ACSM3: variants seen among roughly 807,000 people sequenced by gnomAD.
The protein encoded by ACSM3 is acyl-CoA synthetase medium chain family member 3, also known as acyl-coenzyme A synthetase ACSM3, mitochondrial.
In ACSM3, 61 loss-of-function variants were observed where a neutral mutation model predicts 74.1. The ratio of observed to expected loss-of-function variants is 0.82; its 90% CI spans 0.67 to 1.02. The LOEUF (loss-of-function observed/expected upper bound fraction) is 1.02. Ranked by LOEUF, ACSM3 falls within the 50% of genes least tolerant of loss-of-function variation. ACSM3 has a pLI of 0.00. For missense variants in ACSM3, 660 were observed against 697.0 expected, an observed-to-expected ratio of 0.95 and a Z score of 0.60; for synonymous variants, 213 against 241.5, an observed-to-expected ratio of 0.88 and a Z score of 1.09.
intron 1 of ACSM3, chr16:20,727,239 GCCT>G: frequency 2.4e-6 from 1 of 419,686 alleles, no homozygotes; most frequent in Non-Finnish European, 4.6e-6. Context: ...CCTAAGACTT[GCCT>G]CTCCTAGCTT....
At chr16:20,758,837 T>A (rs1259947782) in intron 3 of ACSM3, among the ~76,000 whole-genome samples, 1 of 152,174 alleles carries the variant, frequency 6.6e-6, no homozygotes, top group East Asian at 1.9e-4. Flanking sequence ...GTGTTTTTGT[T>A]CTCGTTGGTT....
At chr16:20,678,508 T>G (rs2079361524) in intron 1 of ACSM3, among the ~76,000 whole-genome samples, 1 of 152,192 alleles carries the variant, frequency 6.6e-6, no homozygotes, top group Non-Finnish European at 1.5e-5. Context: ...TACCCTGTGA[T>G]GGGGGCTATC....
chr16:20,714,208 CA>C (rs67524952), intron 1 of ACSM3, among the ~76,000 whole-genome samples: 50,950 of 134,642 alleles, frequency 0.38, 10,023 homozygotes, highest in Non-Finnish European at 0.49. Flanking sequence ...GATATGGAGG[CA>C]AAAAAAAAAA....
chr16:20,741,842 T>C, intron 1 of ACSM3: 2 of 1,537,320 alleles, frequency 1.3e-6, no homozygotes. Context: ...AGCGACGGCC[T>C]CCCCTAGCCG....
intron 1 of ACSM3, among the ~76,000 whole-genome samples, chr16:20,706,052 T>C (rs2079726471): frequency 6.6e-6 from 1 of 151,636 alleles, no homozygotes; most frequent in African/African-American, 2.4e-5. Flanking sequence ...AATATTTTTA[T>C]AAAAAGTGAA....
chr16:20,792,090 G>C lies in ACSM3; in HGVS notation c.1415G>C (p.Trp472Ser). ...RGYMDKDGYF[W>S]FVARADDVIL... ...TATATGGATAAAGATGGGTATTTCT[G>C]GTTTGTTGCAAGAGCAGATGATGTC... Residue 472 changes from tryptophan to serine, a missense_variant, in exon 11 of 14, where the codon TGG (tryptophan) becomes TCG (serine). Physicochemically the swap from Trp to Ser is radical, Grantham distance 177. Transcript: ENST00000289416. The C allele has an allele frequency of 6.2e-7, 1 of 1,614,124 alleles. No homozygotes were observed. The highest frequency in any genetic ancestry group is 1.1e-5 in the South Asian group (1 of 91,086).
At chr16:20,767,146 T>A (rs2080135348) in intron 1 of ACSM3, among the ~76,000 whole-genome samples, 1 of 152,140 alleles carries the variant, frequency 6.6e-6, no homozygotes, top group South Asian at 2.1e-4. Flanking sequence ...CTTAACTTCT[T>A]TCAGTTGAAG....
chr16:20,788,719 A>G (rs1242569148), intron 9 of ACSM3, among the ~76,000 whole-genome samples: 2 of 152,224 alleles, frequency 1.3e-5, no homozygotes, highest in Non-Finnish European at 2.9e-5. Context: ...AATGAGGAAC[A>G]TGATTCTCCC....
chr16:20,796,274 C>T (rs1244716796), intron 12 of ACSM3, 96 bp from the exon 13 acceptor site: 20 of 1,526,218 alleles, frequency 1.3e-5, no homozygotes, highest in Non-Finnish European at 1.5e-5. Flanking sequence ...TGGCCCACCC[C>T]ACCAGGCATG....
chr16:20,691,156 C>T (rs1256737667), intron 1 of ACSM3: 3 of 1,610,210 alleles, frequency 1.9e-6, no homozygotes, highest in Non-Finnish European at 2.5e-6. Context: ...TGTGGATGCC[C>T]CAGAGGGTCC....
chr16:20,683,266 C>T (rs1343436673), intron 1 of ACSM3, among the ~76,000 whole-genome samples: 2 of 151,988 alleles, frequency 1.3e-5, no homozygotes, highest in African/African-American at 4.8e-5. Flanking sequence ...TAAAGGTGTC[C>T]ACCACCATGC....
At chr16:20,722,620 G>T (rs2079789778) in intron 1 of ACSM3, among the ~76,000 whole-genome samples, 1 of 152,170 alleles carries the variant, frequency 6.6e-6, no homozygotes, top group Admixed American at 6.5e-5. Flanking sequence ...GAAGTGGAAA[G>T]GTTCCAGTAG....
intron 1 of ACSM3, among the ~76,000 whole-genome samples, chr16:20,675,578 A>G (rs1054572884): frequency 1.3e-5 from 2 of 152,218 alleles, no homozygotes; most frequent in African/African-American, 4.8e-5. Context: ...AGTGCATGAT[A>G]AAGAATTTTT....
chr16:20,796,332 A>G (rs1451965984), intron 12 of ACSM3, 38 bp from the exon 13 acceptor site: 4 of 1,600,794 alleles, frequency 2.5e-6, no homozygotes, highest in Non-Finnish European at 1.7e-6. Flanking sequence ...ATACAAATGC[A>G]TAACTCATTT....
At chr16:20,712,051 T>C (rs952167681) in intron 1 of ACSM3, among the ~76,000 whole-genome samples, 1 of 152,134 alleles carries the variant, frequency 6.6e-6, no homozygotes, top group African/African-American at 2.4e-5. Context: ...GGTTCCTTCT[T>C]GTCAAATTTT....
Position 20,777,454 on chromosome 16 carries a change from T to C in ACSM3, c.512T>C (p.Ile171Thr). ...CTACAATCTTCAAAAGCAAACTGCA[T>C]TATCACCAATGATGTTTTAGCCCCA... ...YRLQSSKANC[I>T]ITNDVLAPAV... is the part of the protein sequence containing the mutation. Residue 171 changes from isoleucine (I) to threonine (T), a missense_variant, in exon 4 of 14, where the codon ATT becomes ACT. Transcript: ENST00000289416. 6.2e-7 allele frequency: 1 copy of C among 1,614,132 alleles called. No homozygotes were observed. The highest frequency in any genetic ancestry group is 8.5e-7 in the Non-Finnish European group (1 of 1,179,980).
At chr16:20,696,082 C>T (rs2079688281) in intron 1 of ACSM3, among the ~76,000 whole-genome samples, 1 of 152,174 alleles carries the variant, frequency 6.6e-6, no homozygotes, top group Admixed American at 6.5e-5. Context: ...AATACAGCAA[C>T]AAGCTACATA....
chr16:20,789,798 C>A (rs1380060285), intron 9 of ACSM3, among the ~76,000 whole-genome samples: 1 of 151,686 alleles, frequency 6.6e-6, no homozygotes, highest in African/African-American at 2.4e-5. Context: ...CTCAACCTCC[C>A]AAGTGGCTGG....
intron 1 of ACSM3, among the ~76,000 whole-genome samples, chr16:20,711,216 GAC>G (rs1159879378): frequency 2.6e-5 from 4 of 152,038 alleles, no homozygotes; most frequent in Admixed American, 2.0e-4. Context: ...AGGAAAAAAA[GAC>G]ACAGAGAGAT....
Sources: gnomAD v4.1 joint callset for allele counts (sites outside exome capture counted in the v4.1 genomes callset) on GRCh38, gnomAD v4.1.1 for gene constraint, MANE v1.5 for transcripts, NCBI Gene and HGNC (gene_info 2026-07-23, HGNC 2026-07-21) for gene names.